Variants in MALRD1 observed in about 807,000 individuals in gnomAD.
MALRD1 encodes MAM and LDL receptor class A domain containing 1, also known as MAM and LDL-receptor class A domain-containing protein 1.
In MALRD1, 247 loss-of-function variants were observed where a neutral mutation model predicts 242.1. That is an observed-to-expected ratio of 1.02 (90% confidence interval 0.92 to 1.13). The LOEUF is 1.13. Among genes scored for constraint, MALRD1 ranks in the 50% most tolerant of loss-of-function variants. The pLI is 0.00. For synonymous variants in MALRD1, 995 were observed against 866.6 expected (o/e 1.15, Z -2.60); for missense variants, 2,989 against 2,533.1 (o/e 1.18, Z -3.86).
At chr10:19,333,312 A>G (rs1173512699) in intron 24 of MALRD1, among the ~76,000 whole-genome samples, 2 of 152,044 alleles carry the variant, frequency 1.3e-5, no homozygotes, top group Non-Finnish European at 2.9e-5. Flanking sequence ...TCTTCACTCT[A>G]GTAGTCCCCA....
intron 4 of MALRD1, among the ~76,000 whole-genome samples, chr10:19,096,886 C>G (rs779220835): frequency 9.2e-5 from 14 of 152,166 alleles, no homozygotes; most frequent in Non-Finnish European, 1.9e-4. Context: ...GCAGCTGACT[C>G]TCACCTGGGG....
intron 33 of MALRD1, among the ~76,000 whole-genome samples, chr10:19,568,198 C>G (rs77369455): frequency 0.021 from 3,141 of 152,236 alleles, 125 homozygotes; most frequent in African/African-American, 0.072. Flanking sequence ...AAAGTCACCC[C>G]TTTAACTGAA....
intron 36 of MALRD1, among the ~76,000 whole-genome samples, chr10:19,661,576 A>T (rs535137088): frequency 5.9e-5 from 9 of 152,236 alleles, no homozygotes; most frequent in African/African-American, 1.7e-4. Context: ...ATAGGTGGGA[A>T]CTGAGCAATG....
At chr10:19,386,438 G>C (rs933058268) in intron 26 of MALRD1, among the ~76,000 whole-genome samples, 1 of 151,764 alleles carries the variant, frequency 6.6e-6, no homozygotes, top group South Asian at 2.1e-4. Context: ...GTCAGATCCT[G>C]TAGTGTCAGA....
chr10:19,235,466 TA>T (rs1301448797), intron 18 of MALRD1, among the ~76,000 whole-genome samples: 12 of 118,594 alleles, frequency 1.0e-4, no homozygotes, highest in East Asian at 5.6e-4. Flanking sequence ...TTAATCGGGT[TA>T]TTTTTTTTTT....
intron 32 of MALRD1, among the ~76,000 whole-genome samples, chr10:19,548,057 A>G (rs1589227182): frequency 2.2e-5 from 3 of 136,982 alleles, no homozygotes; most frequent in South Asian, 2.3e-4. Context: ...CTGGAGTGCA[A>G]TGGCACAATC....
intron 29 of MALRD1, among the ~76,000 whole-genome samples, chr10:19,465,223 C>G (rs1836160337): frequency 6.6e-6 from 1 of 152,112 alleles, no homozygotes; most frequent in Non-Finnish European, 1.5e-5. Context: ...TCTGAATGCT[C>G]TAGCTAGGGC....
At chr10:19,105,320 T>C (rs11008493) in intron 5 of MALRD1, among the ~76,000 whole-genome samples, 28,167 of 151,952 alleles carry the variant, frequency 0.19, 3,016 homozygotes, top group Non-Finnish European at 0.25. Flanking sequence ...TTCATCCATA[T>C]TGTCACAAAT....
At chr10:19,164,700 T>C (rs1191693509) in intron 12 of MALRD1, among the ~76,000 whole-genome samples, 1 of 152,154 alleles carries the variant, frequency 6.6e-6, no homozygotes, top group Non-Finnish European at 1.5e-5. Context: ...TCCAGGTACT[T>C]AGAAAGTGCT....
At chr10:19,692,408 C>G (rs772295320) in intron 37 of MALRD1, 47 bp downstream of exon 37, 5 of 1,531,292 alleles carry the variant, frequency 3.3e-6, no homozygotes, top group Non-Finnish European at 2.6e-6. Flanking sequence ...GGGGTGGTCT[C>G]TAATATATTT....
At chr10:19,165,568 A>G (rs1419092563) in intron 12 of MALRD1, 69 bp from the exon 13 acceptor site, 1 of 1,168,378 alleles carries the variant, frequency 8.6e-7, no homozygotes, top group Non-Finnish European at 1.1e-6. Flanking sequence ...GAATATTTCA[A>G]ATTATAGGAA....
chr10:19,674,588 G>A (rs1372683265), intron 36 of MALRD1, among the ~76,000 whole-genome samples: 3 of 151,944 alleles, frequency 2.0e-5, no homozygotes, highest in African/African-American at 7.3e-5. Flanking sequence ...GTGCTTTTAT[G>A]TATATTTCAA....
At chr10:19,346,050 G>T (rs555256535) in intron 24 of MALRD1, among the ~76,000 whole-genome samples, 1 of 152,162 alleles carries the variant, frequency 6.6e-6, no homozygotes, top group South Asian at 2.1e-4. Context: ...CTCCTAAAAT[G>T]TTGTGATTAC....
chr10:19,144,084 A>G (rs771285228), intron 10 of MALRD1, among the ~76,000 whole-genome samples: 5 of 152,242 alleles, frequency 3.3e-5, no homozygotes, highest in Non-Finnish European at 7.3e-5. Context: ...ATAGCAGTGC[A>G]CCATTAGGCG....
Position 19,675,070 on chromosome 10 carries a change from C to T in MALRD1, c.6138-17212C>T, listed in dbSNP as rs183132133. ...ACACTTTTTATCTGCTGCATTTCTA[C>T]TCAAGTAATTAAAGCTATTTCTACT... is the stretch of plus-strand genomic sequence containing the variant. On this transcript the variant is annotated intron_variant, in intron 36 of 39. Coordinates refer to ENST00000454679, the MANE Select transcript of MALRD1 (RefSeq NM_001142308.3). Among the ~76,000 whole-genome samples the T allele has an allele frequency of 1.2e-3, 186 of 152,204 alleles. 1 individual carries two copies. The highest frequency in any genetic ancestry group is 4.2e-3 in the African/African-American group (173 of 41,544).
At chr10:19,272,446 A>T (rs1840293862) in intron 19 of MALRD1, among the ~76,000 whole-genome samples, 1 of 152,216 alleles carries the variant, frequency 6.6e-6, no homozygotes, top group Non-Finnish European at 1.5e-5. Flanking sequence ...ACCATCAGTT[A>T]TAAGCCAGAG....
intron 35 of MALRD1, among the ~76,000 whole-genome samples, chr10:19,608,242 A>G (rs1838730020): frequency 6.6e-6 from 1 of 152,060 alleles, no homozygotes; most frequent in African/African-American, 2.4e-5. Context: ...TATACAATCT[A>G]GTACTATTAT....
intron 18 of MALRD1, among the ~76,000 whole-genome samples, chr10:19,227,614 T>A (rs1232933931): frequency 6.6e-6 from 1 of 152,004 alleles, no homozygotes; most frequent in African/African-American, 2.4e-5. Flanking sequence ...TAAATTGGAC[T>A]TCATGAAATT....
intron 17 of MALRD1, among the ~76,000 whole-genome samples, chr10:19,208,780 G>A (rs1303171592): frequency 6.6e-6 from 1 of 152,154 alleles, no homozygotes; most frequent in African/African-American, 2.4e-5. Context: ...ATCACCAAGG[G>A]AGCTTCGAAA....
Sources: gnomAD v4.1 joint callset for allele counts (sites outside exome capture counted in the v4.1 genomes callset) on GRCh38, gnomAD v4.1.1 for gene constraint, MANE v1.5 for transcripts, NCBI Gene and HGNC (gene_info 2026-07-23, HGNC 2026-07-21) for gene names.